HEATR4: variants seen among roughly 807,000 people sequenced by gnomAD.
The protein encoded by HEATR4 is HEAT repeat containing 4, also known as HEAT repeat-containing protein 4.
HEATR4 carries 95 observed loss-of-function variants against 108.8 expected under a neutral mutation model. The observed-to-expected ratio is 0.87, with a 90% CI of 0.74 to 1.04. The LOEUF is 1.04. Among genes scored for constraint, HEATR4 ranks in the 50% least tolerant of loss-of-function variants. HEATR4 has a pLI of 0.00. For synonymous variants in HEATR4, 443 were observed against 459.4 expected (o/e 0.96, Z 0.46); for missense variants, 1,152 against 1,253.8 (o/e 0.92, Z 1.23).
At chr14:73,580,319 C>T in the HEATR4 span, among the ~76,000 whole-genome samples, 3 of 151,864 alleles carry the variant, frequency 2.0e-5, no homozygotes, top group Non-Finnish European at 4.4e-5. Flanking sequence ...GTAGAAACAG[C>T]GTCTTATGTT....
chr14:73,621,255 C>G, the HEATR4 span, among the ~76,000 whole-genome samples: 14 of 152,200 alleles, frequency 9.2e-5, no homozygotes, highest in South Asian at 2.7e-3. Context: ...AGACCAGGAG[C>G]ATTATACCTG....
the HEATR4 span, among the ~76,000 whole-genome samples, chr14:73,567,209 T>A: frequency 1.8e-4 from 28 of 152,226 alleles, no homozygotes; most frequent in South Asian, 5.8e-3. Context: ...TAAACTGGGA[T>A]TACAGGCGTG....
At chr14:73,496,330 A>AG (rs2050779089) in intron 15 of HEATR4, among the ~76,000 whole-genome samples, 1 of 152,188 alleles carries the variant, frequency 6.6e-6, no homozygotes, top group African/African-American at 2.4e-5. Flanking sequence ...GAAAATAGGA[A>AG]GGGAGGGAAA....
intron 17 of HEATR4, among the ~76,000 whole-genome samples, chr14:73,484,833 G>GACACAC (rs529857941): frequency 1.6e-4 from 23 of 141,642 alleles, no homozygotes; most frequent in African/African-American, 3.9e-4. Context: ...CACACACACA[G>GACACAC]ACACACACAC....
chr14:73,593,996 C>T, the HEATR4 span: 3 of 1,193,444 alleles, frequency 2.5e-6, no homozygotes, highest in Non-Finnish European at 3.5e-6. Flanking sequence ...CTGCTCTGTT[C>T]CTCTTTCACA....
the HEATR4 span, among the ~76,000 whole-genome samples, chr14:73,586,505 G>GACC: frequency 4.6e-5 from 7 of 152,006 alleles, no homozygotes; most frequent in Non-Finnish European, 8.8e-5. Flanking sequence ...GGGAGTTGGA[G>GACC]ACCAGCCTGG....
chr14:73,597,070 T>TTTA, the HEATR4 span, among the ~76,000 whole-genome samples: 1 of 148,910 alleles, frequency 6.7e-6, no homozygotes, highest in East Asian at 2.0e-4. Context: ...GGTAATTTTA[T>TTTA]TTTATTTATT....
At chr14:73,528,862 G>A (rs2140303960) in intron 2 of HEATR4, 1 of 152,272 alleles carries the variant, frequency 6.6e-6, no homozygotes, top group Admixed American at 6.5e-5. Context: ...TTAGGGCTAT[G>A]GGGTACTCAG....
rs1485146272 is a variant in HEATR4, at chr14:73,546,861, C to A, written c.-152+11890G>T. Among the ~76,000 whole-genome samples the A allele has an allele frequency of 1.9e-5, 2 of 104,020 alleles. 1 individual carries two copies. The highest frequency in any genetic ancestry group is 5.8e-5 in the African/African-American group (2 of 34,310). 68.2% of individuals were successfully genotyped at this position (104,020 alleles called of 152,430 possible). On this transcript the variant is annotated intron_variant, in intron 1 of 17. Coordinates refer to ENST00000553558, the MANE Select transcript of HEATR4 (RefSeq NM_001220484.1). ...CAGCACTTTGGGAGGCCGAGGCGGG[C>A]AGATCACCTGAGGTCAGGAGTTCTA...
At chr14:73,493,694 C>G (rs1885936331) in intron 16 of HEATR4, among the ~76,000 whole-genome samples, 1 of 152,086 alleles carries the variant, frequency 6.6e-6, no homozygotes, top group Non-Finnish European at 1.5e-5. Context: ...AAAAATTAGC[C>G]AGGCATAGTG....
chr14:73,541,834 A>G lies in HEATR4; in HGVS notation c.-151-11590T>C, dbSNP rs1278526914. ...ACTACCTTTTTTAGTCACTTCTTAT[A>G]GACAGTTTCTTTCTTTCTTCTTCTT... On this transcript the variant is annotated intron_variant, in intron 1 of 17. Transcript: ENST00000553558. The G allele has an allele frequency of 6.6e-6, 4 of 602,094 alleles. 2 individuals carry two copies. The South Asian group carries it at 8.0e-5, about 12-fold the overall frequency. 37.3% of individuals were successfully genotyped at this position (602,094 alleles called of 1,614,324 possible).
chr14:73,594,099 CAT>C, the HEATR4 span, among the ~76,000 whole-genome samples: 8 of 152,192 alleles, frequency 5.3e-5, no homozygotes, highest in African/African-American at 1.9e-4. Context: ...GTAAAATCCA[CAT>C]GAGATTTTAT....
intron 1 of HEATR4, among the ~76,000 whole-genome samples, chr14:73,548,593 C>T: frequency 8.7e-6 from 1 of 115,074 alleles, no homozygotes; most frequent in Non-Finnish European, 1.9e-5. Context: ...GGCACGGAAG[C>T]ACAGAATGGG....
At chr14:73,523,802 C>G (rs1888123011) in intron 2 of HEATR4, among the ~76,000 whole-genome samples, 1 of 152,150 alleles carries the variant, frequency 6.6e-6, no homozygotes, top group Admixed American at 6.6e-5. Flanking sequence ...CCTATCCAGG[C>G]CACCAGGTCA....
chr14:73,612,910 C>T, the HEATR4 span: 11 of 1,361,332 alleles, frequency 8.1e-6, no homozygotes, highest in African/African-American at 1.5e-4. Context: ...ACGGCCACGA[C>T]ACCGAGCCCG....
the HEATR4 span, chr14:73,573,447 T>C: frequency 6.2e-7 from 1 of 1,613,610 alleles, no homozygotes; most frequent in South Asian, 1.1e-5. Flanking sequence ...CCTGCTGGAG[T>C]ATCGGGCTAG....
chr14:73,576,070 T>G, the HEATR4 span, among the ~76,000 whole-genome samples: 1 of 151,964 alleles, frequency 6.6e-6, no homozygotes, highest in Non-Finnish European at 1.5e-5. Context: ...GGAGAATTGC[T>G]TGAACCTGGG....
intron 17 of HEATR4, among the ~76,000 whole-genome samples, chr14:73,490,597 A>G (rs928866779): frequency 6.6e-6 from 1 of 152,144 alleles, no homozygotes; most frequent in Non-Finnish European, 1.5e-5. Context: ...CTGGGATTAC[A>G]GGCGGAGCCA....
the HEATR4 span, among the ~76,000 whole-genome samples, chr14:73,568,718 G>A: frequency 3.7e-3 from 569 of 152,114 alleles, 18 homozygotes; most frequent in East Asian, 0.081. Context: ...AGGAGTTTGA[G>A]AAATTACTAC....
Sources: allele counts gnomAD v4.1 joint callset (sites outside exome capture counted in the v4.1 genomes callset), GRCh38; gene constraint gnomAD v4.1.1; transcripts MANE v1.5; gene names NCBI Gene and HGNC (gene_info 2026-07-23, HGNC 2026-07-21).